SH3GL3: variants seen among roughly 807,000 people sequenced by gnomAD.
The protein encoded by SH3GL3 is SH3 domain containing GRB2 like 3, endophilin A3.
A neutral mutation model predicts 47.7 loss-of-function variants in SH3GL3; 33 were observed. That is an observed-to-expected ratio of 0.69 (90% CI 0.52 to 0.92). The LOEUF is 0.92. SH3GL3 is among the 40% of genes least tolerant of loss of function. SH3GL3 has a pLI of 0.00. For missense variants in SH3GL3, 363 were observed against 417.8 expected (o/e 0.87, Z 1.14); for synonymous variants, 155 against 148.8 (o/e 1.04, Z -0.30).
At chr15:83,598,177 C>T (rs1482357924) in intron 8 of SH3GL3, among the ~76,000 whole-genome samples, 1 of 152,190 alleles carries the variant, frequency 6.6e-6, no homozygotes, top group Non-Finnish European at 1.5e-5. Context: ...CAGATGCCCA[C>T]ACTCACTCAG....
chr15:83,631,556 G>T, the SH3GL3 span, among the ~76,000 whole-genome samples: 2 of 152,324 alleles, frequency 1.3e-5, no homozygotes. Flanking sequence ...GTGCACCCCA[G>T]GCCCAACACC....
chr15:83,548,582 A>T (rs1896811), intron 1 of SH3GL3, among the ~76,000 whole-genome samples: 122,257 of 151,944 alleles, frequency 0.8, 50,185 homozygotes, highest in African/African-American at 0.87. Context: ...AATAGAATCT[A>T]AGATTGGTAG....
intron 1 of SH3GL3, among the ~76,000 whole-genome samples, chr15:83,465,330 A>T (rs879945033): frequency 2.1e-4 from 32 of 151,850 alleles, no homozygotes; most frequent in South Asian, 8.3e-4. Flanking sequence ...AATAAATAAA[A>T]AAGTAAAAAA....
intron 1 of SH3GL3, among the ~76,000 whole-genome samples, chr15:83,459,060 C>T (rs2040142094): frequency 6.6e-6 from 1 of 152,336 alleles, no homozygotes; most frequent in African/African-American, 2.4e-5. Context: ...CCCTGGCAAA[C>T]CACTGGTTTA....
intron 8 of SH3GL3, among the ~76,000 whole-genome samples, chr15:83,590,424 G>C (rs1307582189): frequency 6.6e-5 from 10 of 152,028 alleles, no homozygotes; most frequent in Non-Finnish European, 1.5e-4. Flanking sequence ...CTACTACTTT[G>C]AATAATCTTT....
intron 1 of SH3GL3, among the ~76,000 whole-genome samples, chr15:83,503,952 T>G (rs946563268): frequency 6.6e-6 from 1 of 152,234 alleles, no homozygotes; most frequent in Admixed American, 6.5e-5. Context: ...TTGTCATTTC[T>G]TTAATTGTGA....
chr15:83,544,883 CT>C lies in SH3GL3; in HGVS notation c.46-14369del, dbSNP rs2044326749. ...TGAAAGGTTTTTACTGAGAAATCTG[CT>C]GCCAGACATAATGGAGATTCTTTAT... On this transcript the variant is annotated intron_variant, in intron 1 of 8. Transcript: ENST00000427482. Among the ~76,000 whole-genome samples, 3 of 152,162 alleles carry C rather than the reference CT, an allele frequency of 2.0e-5. No individual in the cohort carries two copies. The South Asian group carries it at 6.2e-4, about 32-fold the overall frequency.
intron 1 of SH3GL3, among the ~76,000 whole-genome samples, chr15:83,513,639 G>A (rs539031887): frequency 6.6e-6 from 1 of 152,152 alleles, no homozygotes; most frequent in African/African-American, 2.4e-5. Flanking sequence ...TGTACTTCAT[G>A]CTGCTTTGCT....
the SH3GL3 span, among the ~76,000 whole-genome samples, chr15:83,632,868 A>T: frequency 6.6e-6 from 1 of 152,244 alleles, no homozygotes; most frequent in Non-Finnish European, 1.5e-5. Flanking sequence ...TCTCATAATA[A>T]GCAATTTAAA....
intron 8 of SH3GL3, among the ~76,000 whole-genome samples, chr15:83,616,330 G>A (rs1473841008): frequency 2.2e-5 from 3 of 139,384 alleles, no homozygotes; most frequent in Admixed American, 8.2e-5. Context: ...TTGGCTCACT[G>A]CAACCTCCGC....
In SH3GL3 at chr15:83,460,795, G is replaced by C. The variant is rs1419016571; in HGVS notation, c.45+13217G>C. Reference sequence around the variant, plus strand: ...GATTCTGGTTGTTATCTTAAAATACGGTACACAGGCCGGGTGCGGTGGCTT... The same window carrying C: ...GATTCTGGTTGTTATCTTAAAATACCGTACACAGGCCGGGTGCGGTGGCTT... On this transcript the variant is annotated intron_variant, in intron 1 of 8. Coordinates refer to ENST00000427482, the MANE Select transcript of SH3GL3 (RefSeq NM_003027.5). Among the ~76,000 whole-genome samples the C allele has an allele frequency of 3.9e-5, 6 of 151,990 alleles. No individual in the cohort carries two copies. In the East Asian group the frequency reaches 1.2e-3, roughly 29 times the overall value.
chr15:83,500,763 A>G (rs1420458178), intron 1 of SH3GL3, among the ~76,000 whole-genome samples: 1 of 152,184 alleles, frequency 6.6e-6, no homozygotes, highest in Non-Finnish European at 1.5e-5. Flanking sequence ...GCTGATGGAC[A>G]TGGTTGCCTA....
chr15:83,537,909 A>G (rs1442540814), intron 1 of SH3GL3, among the ~76,000 whole-genome samples: 1 of 152,134 alleles, frequency 6.6e-6, no homozygotes, highest in African/African-American at 2.4e-5. Flanking sequence ...CTATATAGAT[A>G]TATGTAGAGA....
intron 6 of SH3GL3, among the ~76,000 whole-genome samples, 184 bp downstream of exon 6, chr15:83,576,925 T>TTTTTTTTTTTTTC: frequency 7.7e-6 from 1 of 130,246 alleles, no homozygotes; most frequent in African/African-American, 3.0e-5. Flanking sequence ...ATCATAATTT[T>TTTTTTTTTTTTTC]TTTTTTTTTT....
chr15:83,585,726 C>G (rs778951763), intron 6 of SH3GL3, among the ~76,000 whole-genome samples: 4 of 152,144 alleles, frequency 2.6e-5, no homozygotes, highest in Non-Finnish European at 4.4e-5. Flanking sequence ...TGTTGCTTTT[C>G]CAGCCACAGA....
chr15:83,529,639 C>T (rs1381646948), intron 1 of SH3GL3, among the ~76,000 whole-genome samples: 1 of 139,442 alleles, frequency 7.2e-6, no homozygotes, highest in African/African-American at 2.7e-5. Context: ...TGTGGTGGGA[C>T]AATCTGTGGT....
At chr15:83,508,876 G>C (rs2042628855) in intron 1 of SH3GL3, among the ~76,000 whole-genome samples, 1 of 152,196 alleles carries the variant, frequency 6.6e-6, no homozygotes, top group African/African-American at 2.4e-5. Context: ...TTACAGGCGT[G>C]AGCCACTGCT....
intron 1 of SH3GL3, among the ~76,000 whole-genome samples, chr15:83,476,589 GA>G (rs1567251680): frequency 6.6e-6 from 1 of 152,118 alleles, no homozygotes; most frequent in South Asian, 2.1e-4. Context: ...TCTAATGGTT[GA>G]AAAAAATCAA....
At chr15:83,616,467 C>A (rs1191560791) in intron 8 of SH3GL3, among the ~76,000 whole-genome samples, 1 of 151,922 alleles carries the variant, frequency 6.6e-6, no homozygotes, top group African/African-American at 2.4e-5. Flanking sequence ...TGTTCTCGAT[C>A]TCCTGAACTC....
Sources: gnomAD v4.1 joint callset for allele counts (sites outside exome capture counted in the v4.1 genomes callset) on GRCh38, gnomAD v4.1.1 for gene constraint, MANE v1.5 for transcripts, NCBI Gene and HGNC (gene_info 2026-07-23, HGNC 2026-07-21) for gene names.